CPNE4: variants seen among roughly 807,000 people sequenced by gnomAD.
CPNE4 encodes the protein copine-4.
In CPNE4, 25 loss-of-function variants were observed where a neutral mutation model predicts 67.9. The ratio of observed to expected loss-of-function variants is 0.37; its 90% CI spans 0.27 to 0.51. The LOEUF (loss-of-function observed/expected upper bound fraction) is 0.51, where lower values mean the gene tolerates loss of function less well. Among genes scored for constraint, CPNE4 ranks in the 20% least tolerant of loss-of-function variants. The pLI is 0.93. For missense variants in CPNE4, 464 were observed against 690.8 expected, an observed-to-expected ratio of 0.67 and a Z score of 3.68; for synonymous variants, 242 against 244.9, an observed-to-expected ratio of 0.99 and a Z score of 0.11.
intron 2 of CPNE4, among the ~76,000 whole-genome samples, chr3:131,752,582 T>TA (rs1316280360): frequency 6.6e-6 from 1 of 152,206 alleles, no homozygotes; most frequent in Non-Finnish European, 1.5e-5. Context: ...ACTTTTAATG[T>TA]ATTCTTATGT....
Position 131,982,698 on chromosome 3 carries a change from T to A in CPNE4, c.-2+51869A>T, listed in dbSNP as rs182979397. ...ATAAGAAAGTACATATTGATTTTTT[T>A]AGAAAGATCAAGATTTATTTTATTA... On this transcript the variant is annotated intron_variant, in intron 1 of 15. Coordinates refer to ENST00000429747, the MANE Select transcript of CPNE4 (RefSeq NM_130808.3). Among the ~76,000 whole-genome samples, 12 of 152,292 alleles carry A rather than the reference T, an allele frequency of 7.9e-5. No individual in the cohort carries two copies. In the East Asian group the frequency reaches 1.9e-3, roughly 24 times the overall value.
At chr3:131,575,282 T>C (rs1937524066) in intron 9 of CPNE4, 152 bp from the exon 10 acceptor site, 1 of 654,626 alleles carries the variant, frequency 1.5e-6, no homozygotes, top group East Asian at 2.7e-5. Flanking sequence ...TTAAGTTTGT[T>C]CTGTTAAAGG....
rs1378893382 is a variant in CPNE4 at position 131,953,252 on chromosome 3, A to T, written c.-1-47808T>A. On this transcript the variant is annotated intron_variant, in intron 1 of 15. Coordinates refer to ENST00000429747, the MANE Select transcript of CPNE4 (RefSeq NM_130808.3). ...AGAATGATCAATTAAAAAAAAAAAA[A>T]AAAAAAAAAAAAAAGAATGGTGAAA... Among the ~76,000 whole-genome samples, 38 of 144,040 alleles carry T rather than the reference A, an allele frequency of 2.6e-4. 1 individual carries two copies. The highest frequency in any genetic ancestry group is 6.7e-4 in the African/African-American group (26 of 38,978). The allele number at this position is 144,040 out of a possible 152,430, so 94.5% of individuals were successfully genotyped here. A position where few individuals can be genotyped will look rare whatever the true frequency, so the allele number is the denominator to read the frequency against.
chr3:131,673,363 C>A (rs983947185), intron 6 of CPNE4, among the ~76,000 whole-genome samples: 2 of 151,970 alleles, frequency 1.3e-5, no homozygotes, highest in African/African-American at 4.8e-5. Context: ...TTTTCTAGTT[C>A]TGTGAAGAAT....
chr3:131,730,729 C>G (rs558360491), intron 2 of CPNE4, among the ~76,000 whole-genome samples: 2 of 152,100 alleles, frequency 1.3e-5, no homozygotes, highest in African/African-American at 4.8e-5. Flanking sequence ...TCAGCACAAG[C>G]CAAGAAATGC....
At chr3:131,916,149 G>A (rs903128260) in intron 1 of CPNE4, among the ~76,000 whole-genome samples, 1 of 152,072 alleles carries the variant, frequency 6.6e-6, no homozygotes, top group Non-Finnish European at 1.5e-5. Context: ...CTTAAATAAT[G>A]TTTTATTATT....
chr3:131,820,973 T>G (rs530940059), intron 2 of CPNE4, among the ~76,000 whole-genome samples: 1 of 152,328 alleles, frequency 6.6e-6, no homozygotes, highest in South Asian at 2.1e-4. Context: ...TCAAGGGAAC[T>G]GTGTTCCCTT....
At chr3:131,744,863 G>C (rs1043246409) in intron 2 of CPNE4, among the ~76,000 whole-genome samples, 2 of 152,098 alleles carry the variant, frequency 1.3e-5, no homozygotes, top group African/African-American at 4.8e-5. Flanking sequence ...TTCCAGTTCT[G>C]GGCTACTGCA....
intron 14 of CPNE4, among the ~76,000 whole-genome samples, chr3:131,545,984 C>T (rs141647883): frequency 0.018 from 2,696 of 152,220 alleles, 94 homozygotes; most frequent in African/African-American, 0.062. Flanking sequence ...ATCATTTGAA[C>T]TAGGGAGTCA....
At chr3:131,860,796 A>G (rs908851762) in intron 2 of CPNE4, among the ~76,000 whole-genome samples, 3 of 152,226 alleles carry the variant, frequency 2.0e-5, no homozygotes, top group South Asian at 2.1e-4. Flanking sequence ...CAATGACACA[A>G]GTAAACCACA....
At chr3:131,947,699 G>A (rs1387368075) in intron 1 of CPNE4, among the ~76,000 whole-genome samples, 1 of 152,096 alleles carries the variant, frequency 6.6e-6, no homozygotes, top group African/African-American at 2.4e-5. Flanking sequence ...ATAAACATAC[G>A]TGTGCATGTA....
intron 1 of CPNE4, among the ~76,000 whole-genome samples, chr3:131,930,451 A>C (rs1256429025): frequency 1.3e-5 from 2 of 151,932 alleles, no homozygotes; most frequent in African/African-American, 2.4e-5. Flanking sequence ...CAATTTAAAA[A>C]AAACAAAAAC....
chr3:131,701,437 C>G (rs899533588), intron 3 of CPNE4, among the ~76,000 whole-genome samples: 6 of 152,152 alleles, frequency 3.9e-5, no homozygotes, highest in African/African-American at 1.4e-4. Flanking sequence ...TAGAATAATA[C>G]AAAAGTGATG....
chr3:131,794,790 G>C (rs1024006402), intron 2 of CPNE4, among the ~76,000 whole-genome samples: 2 of 152,162 alleles, frequency 1.3e-5, no homozygotes, highest in Non-Finnish European at 2.9e-5. Flanking sequence ...GTACTAGGTA[G>C]TTGAGTACCA....
At chr3:131,979,713 C>G (rs2072855191) in intron 1 of CPNE4, among the ~76,000 whole-genome samples, 2 of 152,090 alleles carry the variant, frequency 1.3e-5, no homozygotes, top group South Asian at 4.2e-4. Flanking sequence ...GGTACCATTG[C>G]ATTCATCATG....
chr3:131,569,881 GAAATGTCCGTTTA>G (rs894326213), intron 10 of CPNE4, among the ~76,000 whole-genome samples: 3 of 151,716 alleles, frequency 2.0e-5, no homozygotes, highest in African/African-American at 7.3e-5. Context: ...TGACACAAAA[GAAATGTCCGTTTA>G]AAATTAATAA....
intron 1 of CPNE4, among the ~76,000 whole-genome samples, chr3:132,001,574 A>AGAAG (rs1278809998): frequency 2.0e-5 from 3 of 148,414 alleles, no homozygotes; most frequent in Non-Finnish European, 4.5e-5. Flanking sequence ...AAAGAAAGAA[A>AGAAG]GAAAGAAAGA....
chr3:131,873,008 G>T (rs967721134), intron 2 of CPNE4, among the ~76,000 whole-genome samples: 1 of 152,154 alleles, frequency 6.6e-6, no homozygotes, highest in Admixed American at 6.5e-5. Context: ...GCTTCAGGCC[G>T]CTAAGGTTTG....
chr3:131,684,473 CT>C (rs1294556173), intron 6 of CPNE4, among the ~76,000 whole-genome samples: 3 of 152,100 alleles, frequency 2.0e-5, no homozygotes, highest in Non-Finnish European at 4.4e-5. Flanking sequence ...TTATTAAACA[CT>C]TTTTTTAGAT....
Sources: allele counts gnomAD v4.1 joint callset (sites outside exome capture counted in the v4.1 genomes callset), GRCh38; gene constraint gnomAD v4.1.1; transcripts MANE v1.5; gene names NCBI Gene and HGNC (gene_info 2026-07-23, HGNC 2026-07-21).